Variants in CNTN5 observed in about 807,000 individuals in gnomAD.
CNTN5 encodes the protein contactin 5, also known as contactin-5.
Under a neutral mutation model 129.1 loss-of-function variants are expected in CNTN5, and 77 were observed. That is an observed-to-expected ratio of 0.60 (90% CI 0.50 to 0.72). The LOEUF (loss-of-function observed/expected upper bound fraction) is 0.72, where lower values mean the gene tolerates loss of function less well. Among genes scored for constraint, CNTN5 ranks in the 30% least tolerant of loss-of-function variants. CNTN5 has a pLI of 0.00. For synonymous variants in CNTN5, 509 were observed against 465.6 expected (o/e 1.09, Z -1.20); for missense variants, 1,478 against 1,328.8 (o/e 1.11, Z -1.75).
At chr11:100,174,234 G>A (rs1417061294) in intron 13 of CNTN5, among the ~76,000 whole-genome samples, 1 of 151,936 alleles carries the variant, frequency 6.6e-6, no homozygotes, top group Non-Finnish European at 1.5e-5. Flanking sequence ...CGTAAAACGT[G>A]GAATAGATCC....
chr11:99,669,417 C>A (rs1393833573), intron 3 of CNTN5, among the ~76,000 whole-genome samples: 1 of 151,422 alleles, frequency 6.6e-6, no homozygotes, highest in Non-Finnish European at 1.5e-5. Context: ...CAGTTCTTGA[C>A]TACCTTTTCC....
rs200590083 is a variant in CNTN5 at position 99,845,301 on chromosome 11, A to G, written c.577+39A>G. The G allele has an allele frequency of 1.2e-4, 144 of 1,220,954 alleles. 2 individuals are homozygous for G. Among genetic ancestry groups the G allele is most frequent in the South Asian group, 1.1e-3 (86 of 75,298 alleles). 75.6% of individuals were successfully genotyped at this position (1,220,954 alleles called of 1,614,324 possible). A position where few individuals can be genotyped will look rare whatever the true frequency, so the allele number is the denominator to read the frequency against. On this transcript the variant is annotated intron_variant, in intron 6 of 24. Coordinates refer to ENST00000524871, the MANE Select transcript of CNTN5 (RefSeq NM_014361.4). ...ATGATTTTTCTATATATATGTATAT[A>G]GTGTGTATATACAGTATGGATTTTT...
chr11:99,720,296 C>T (rs529343469), intron 3 of CNTN5, among the ~76,000 whole-genome samples: 1 of 152,068 alleles, frequency 6.6e-6, no homozygotes, highest in Admixed American at 6.6e-5. Context: ...ACTTGCAAAC[C>T]AAATCTAGCA....
chr11:99,457,680 G>A (rs968035745), intron 2 of CNTN5, among the ~76,000 whole-genome samples: 11 of 151,544 alleles, frequency 7.3e-5, no homozygotes, highest in African/African-American at 1.2e-4. Flanking sequence ...TTTAAATAGC[G>A]TTAAGATGTA....
intron 1 of CNTN5, among the ~76,000 whole-genome samples, chr11:99,280,966 A>T (rs755878964): frequency 1.0e-4 from 13 of 125,622 alleles, no homozygotes; most frequent in South Asian, 2.8e-4. Context: ...CTTGCAGATT[A>T]AAAAAAATCA....
intron 13 of CNTN5, among the ~76,000 whole-genome samples, chr11:100,151,835 A>T (rs529890496): frequency 6.6e-6 from 1 of 152,088 alleles, no homozygotes; most frequent in African/African-American, 2.4e-5. Flanking sequence ...CTACACTGTG[A>T]TAGGTTTAGG....
intron 8 of CNTN5, among the ~76,000 whole-genome samples, chr11:99,994,715 G>T (rs185414820): frequency 6.6e-6 from 1 of 152,218 alleles, no homozygotes; most frequent in South Asian, 2.1e-4. Flanking sequence ...TTTGAGGACT[G>T]CTTCACAAGA....
At chr11:99,976,910 T>C (rs1261464739) in intron 8 of CNTN5, among the ~76,000 whole-genome samples, 1 of 152,262 alleles carries the variant, frequency 6.6e-6, no homozygotes, top group African/African-American at 2.4e-5. Context: ...TTTTATCTCA[T>C]GGTCAGGCTA....
intron 3 of CNTN5, among the ~76,000 whole-genome samples, chr11:99,733,152 C>T (rs534260794): frequency 2.5e-4 from 38 of 150,098 alleles, no homozygotes; most frequent in African/African-American, 8.8e-4. Flanking sequence ...GGTGAAACCT[C>T]GTCTCTACTA....
chr11:99,535,751 A>T (rs10790779), intron 2 of CNTN5, among the ~76,000 whole-genome samples: 37,739 of 151,972 alleles, frequency 0.25, 5,153 homozygotes, highest in Non-Finnish European at 0.31. Flanking sequence ...TGTAAAAATG[A>T]TGCTTTCTCT....
intron 2 of CNTN5, among the ~76,000 whole-genome samples, chr11:99,416,159 T>G (rs560925641): frequency 6.6e-6 from 1 of 152,346 alleles, no homozygotes; most frequent in East Asian, 1.9e-4. Context: ...TTCAGGGTTT[T>G]ATTTACTTAT....
chr11:99,863,049 C>A (rs1356669849), intron 6 of CNTN5, among the ~76,000 whole-genome samples: 1 of 152,028 alleles, frequency 6.6e-6, no homozygotes, highest in Non-Finnish European at 1.5e-5. Flanking sequence ...TCATAATAAA[C>A]TTTAGAAATT....
chr11:99,227,188 G>A (rs1251343154), intron 1 of CNTN5, among the ~76,000 whole-genome samples: 2 of 151,692 alleles, frequency 1.3e-5, no homozygotes, highest in Non-Finnish European at 2.9e-5. Flanking sequence ...GTGAAACCCC[G>A]TCTGTACTAA....
intron 3 of CNTN5, among the ~76,000 whole-genome samples, chr11:99,780,061 T>G (rs914955801): frequency 6.6e-6 from 1 of 151,982 alleles, no homozygotes; most frequent in Non-Finnish European, 1.5e-5. Flanking sequence ...GACATGGATA[T>G]TATATAGAGA....
At chr11:99,181,320 C>A (rs879237056) in intron 1 of CNTN5, among the ~76,000 whole-genome samples, 3 of 152,152 alleles carry the variant, frequency 2.0e-5, no homozygotes. Flanking sequence ...GTATTGCTGT[C>A]ATGTGTAATT....
At chr11:99,494,940 A>G (rs1216263344) in intron 2 of CNTN5, among the ~76,000 whole-genome samples, 1 of 152,356 alleles carries the variant, frequency 6.6e-6, no homozygotes, top group East Asian at 1.9e-4. Flanking sequence ...TTTTGTTACA[A>G]TTAATTATAA....
intron 8 of CNTN5, among the ~76,000 whole-genome samples, chr11:99,963,255 T>A (rs1203599705): frequency 1.3e-5 from 2 of 152,184 alleles, no homozygotes; most frequent in South Asian, 2.1e-4. Context: ...CTGAATGGTA[T>A]TGCCTAGGTT....
chr11:99,946,163 G>C (rs1591462866), intron 7 of CNTN5, among the ~76,000 whole-genome samples: 1 of 152,004 alleles, frequency 6.6e-6, no homozygotes, highest in Admixed American at 6.6e-5. Flanking sequence ...CAACTGGTTT[G>C]TATTCTTGAA....
rs542256928 is a variant in CNTN5, at chr11:99,975,649, G to A, written c.877+18640G>A. On this transcript the variant is annotated intron_variant, in intron 8 of 24. Coordinates refer to ENST00000524871, the MANE Select transcript of CNTN5 (RefSeq NM_014361.4). ...TACGTGGCAGCAGGAGAGAGAGATC[G>A]CGAGTTGGGAAAAGCCACACCTTTG... is the stretch of plus-strand genomic sequence containing the variant. 1.1e-4 allele frequency among the ~76,000 whole-genome samples: 17 copies of A among 152,182 alleles called. No homozygotes were observed. In the East Asian group the frequency reaches 2.1e-3, roughly 19 times the overall value.
Sources: gnomAD v4.1 joint callset for allele counts (sites outside exome capture counted in the v4.1 genomes callset) on GRCh38, gnomAD v4.1.1 for gene constraint, MANE v1.5 for transcripts, NCBI Gene and HGNC (gene_info 2026-07-23, HGNC 2026-07-21) for gene names.